The following SLIT3 variants were observed in gnomAD, a reference collection of about 807,000 sequenced individuals.
SLIT3 encodes slit homolog 3 protein.
Under a neutral mutation model 184.0 loss-of-function variants are expected in SLIT3, and 68 were observed. That is an observed-to-expected ratio of 0.37 (90% CI 0.30 to 0.45). The LOEUF (loss-of-function observed/expected upper bound fraction) is 0.45, where lower values mean the gene tolerates loss of function less well. Among genes scored for constraint, SLIT3 ranks in the 20% least tolerant of loss-of-function variants. SLIT3 has a pLI of 1.00. For missense variants in SLIT3, 1,707 were observed against 2,026.0 expected, an observed-to-expected ratio of 0.84 and a Z score of 3.02; for synonymous variants, 831 against 828.6, an observed-to-expected ratio of 1.00 and a Z score of -0.05.
rs374586234 is a variant in SLIT3 at position 169,082,584 on chromosome 5, G to C, written c.413+110895C>G. Reference sequence around the variant, plus strand: ...AGTACCTGTCTCTATGTGTGTGTGTGTCTCTCTCTTTCTCTACCTACCTAC... The same window carrying C: ...AGTACCTGTCTCTATGTGTGTGTGTCTCTCTCTCTTTCTCTACCTACCTAC... On this transcript the variant is annotated intron_variant, in intron 4 of 35. Transcript: ENST00000519560. 2.0e-4 allele frequency among the ~76,000 whole-genome samples: 30 copies of C among 152,220 alleles called. No homozygotes were observed. The South Asian group carries it at 5.0e-3, about 25-fold the overall frequency.
chr5:168,689,339 G>A (rs1582532219), intron 29 of SLIT3, among the ~76,000 whole-genome samples: 1 of 152,226 alleles, frequency 6.6e-6, no homozygotes, highest in Admixed American at 6.5e-5. Context: ...TAAATTTTAT[G>A]CATTTTAATA....
rs755392461 is a variant in SLIT3, at chr5:168,700,618, G to A, written c.2906C>T (p.Thr969Ile). 2.4e-5 allele frequency: 39 copies of A among 1,614,068 alleles called. No homozygotes were observed. Among genetic ancestry groups the A allele is most frequent in the Non-Finnish European group, 3.3e-5 (39 of 1,180,026 alleles). The change falls in exon 27 of 36, where the codon ACC becomes ATC. Residue 969 changes from threonine to isoleucine, a missense_variant. Physicochemically the swap from Thr to Ile is moderately conservative, Grantham distance 89 (BLOSUM62 -1). Coordinates refer to ENST00000519560, the MANE Select transcript of SLIT3 (RefSeq NM_003062.4). Reference protein sequence around the residue: ...CIQNPCQHGGTCHLSDSHKDG... With the variant: ...CIQNPCQHGGICHLSDSHKDG... ...CTTGTGGCTGTCACTCAGGTGGCAG[G>A]TGCCTCCATGCTGACAGGGGTTCTG...
intron 5 of SLIT3, among the ~76,000 whole-genome samples, chr5:168,878,717 C>CT (rs35132944): frequency 0.2 from 27,858 of 140,638 alleles, 2,914 homozygotes; most frequent in Admixed American, 0.26. Flanking sequence ...CAGTTTCTTC[C>CT]TTTTTTTTTT....
intron 27 of SLIT3, among the ~76,000 whole-genome samples, chr5:168,697,901 G>C (rs1762106913): frequency 6.6e-6 from 1 of 152,220 alleles, no homozygotes; most frequent in Non-Finnish European, 1.5e-5. Context: ...GGCTCCCCCA[G>C]AGCCTTAGGG....
chr5:168,992,862 T>G (rs969375665), intron 4 of SLIT3: 1 of 152,198 alleles, frequency 6.6e-6, no homozygotes. Context: ...CATTAGCATT[T>G]CCGTTTTCAT....
At chr5:168,741,531 A>G (rs1169412209) in intron 20 of SLIT3, among the ~76,000 whole-genome samples, 2 of 151,734 alleles carry the variant, frequency 1.3e-5, no homozygotes, top group South Asian at 2.1e-4. Context: ...AATGCCTGCT[A>G]CGGGTTAGTT....
chr5:168,967,620 T>G (rs565489438), intron 4 of SLIT3, among the ~76,000 whole-genome samples: 2 of 144,102 alleles, frequency 1.4e-5, no homozygotes, highest in African/African-American at 2.5e-5. Context: ...TTTTGTATTT[T>G]TAGTAGAGAC....
At chr5:168,990,621 T>TAA (rs1755285943) in intron 4 of SLIT3, among the ~76,000 whole-genome samples, 1 of 152,116 alleles carries the variant, frequency 6.6e-6, no homozygotes, top group African/African-American at 2.4e-5. Flanking sequence ...GTCCTGTAAA[T>TAA]AGAATTATAG....
At chr5:168,911,986 G>A (rs931941787) in intron 4 of SLIT3, among the ~76,000 whole-genome samples, 13 of 152,006 alleles carry the variant, frequency 8.6e-5, no homozygotes, top group African/African-American at 2.7e-4. Flanking sequence ...TGAACACCAC[G>A]AGCTTGAACT....
At chr5:169,062,944 G>GT (rs1758227475) in intron 4 of SLIT3, among the ~76,000 whole-genome samples, 1 of 152,234 alleles carries the variant, frequency 6.6e-6, no homozygotes, top group East Asian at 1.9e-4. Flanking sequence ...GTGCAAGTGT[G>GT]TATAAACCTG....
intron 4 of SLIT3, among the ~76,000 whole-genome samples, chr5:168,935,338 T>C (rs897137617): frequency 2.6e-5 from 4 of 152,096 alleles, no homozygotes; most frequent in Admixed American, 6.5e-5. Context: ...ACACTGTGCA[T>C]TGAGGGCCTC....
At chr5:168,998,652 C>T (rs902336883) in intron 4 of SLIT3, among the ~76,000 whole-genome samples, 20 of 152,052 alleles carry the variant, frequency 1.3e-4, no homozygotes, top group South Asian at 6.2e-4. Flanking sequence ...TGCAGTGAGC[C>T]GAGATCGCAC....
intron 6 of SLIT3, among the ~76,000 whole-genome samples, chr5:168,834,592 T>C (rs1243000257): frequency 6.8e-6 from 1 of 147,100 alleles, no homozygotes; most frequent in Non-Finnish European, 1.5e-5. Flanking sequence ...CTCAGGAGGC[T>C]GAGGGCAGGA....
At chr5:168,675,142 C>A (rs556215302) in intron 32 of SLIT3, among the ~76,000 whole-genome samples, 1 of 152,260 alleles carries the variant, frequency 6.6e-6, no homozygotes, top group African/African-American at 2.4e-5. Flanking sequence ...GGGAATGTGA[C>A]ACCTCTTCCT....
intron 35 of SLIT3, chr5:168,667,769 G>A (rs1761103444): frequency 6.6e-6 from 1 of 152,208 alleles, no homozygotes; most frequent in Admixed American, 6.5e-5. Flanking sequence ...AGGGCTTTAT[G>A]CATTTTAAAG....
chr5:168,956,290 C>T (rs1762824062), intron 4 of SLIT3, among the ~76,000 whole-genome samples: 2 of 152,158 alleles, frequency 1.3e-5, no homozygotes, highest in Non-Finnish European at 2.9e-5. Flanking sequence ...AGGCCAGTAG[C>T]ATCTCTGAGA....
chr5:168,681,310 C>CT (rs375589767), intron 32 of SLIT3, among the ~76,000 whole-genome samples: 25 of 152,296 alleles, frequency 1.6e-4, no homozygotes, highest in African/African-American at 5.1e-4. Context: ...TCTGTGGCCC[C>CT]TGCACCTAGC....
At chr5:168,844,563 G>A in intron 6 of SLIT3, 21 bp downstream of exon 6, 2 of 1,612,458 alleles carry the variant, frequency 1.2e-6, no homozygotes, top group Non-Finnish European at 1.7e-6. Flanking sequence ...ACACAAGGCA[G>A]CGATCGCAAA....
intron 1 of SLIT3, among the ~76,000 whole-genome samples, chr5:169,260,995 T>C (rs1267408122): frequency 6.6e-6 from 1 of 152,244 alleles, no homozygotes; most frequent in Non-Finnish European, 1.5e-5. Flanking sequence ...CTCAGCTTTG[T>C]AGTGTGAGAG....
Sources: gnomAD v4.1 joint callset for allele counts (sites outside exome capture counted in the v4.1 genomes callset) on GRCh38, gnomAD v4.1.1 for gene constraint, MANE v1.5 for transcripts, NCBI Gene and HGNC (gene_info 2026-07-23, HGNC 2026-07-21) for gene names.